Variants in SIPA1L2 observed in about 807,000 individuals in gnomAD.
SIPA1L2 encodes the protein signal induced proliferation associated 1 like 2.
SIPA1L2 carries 56 observed loss-of-function variants against 163.9 expected under a neutral mutation model. The observed-to-expected ratio is 0.34, with a 90% confidence interval of 0.28 to 0.43. The LOEUF (loss-of-function observed/expected upper bound fraction) is 0.43, where lower values mean the gene tolerates loss of function less well. SIPA1L2 is among the 20% of genes least tolerant of loss of function. The pLI, the probability that SIPA1L2 is intolerant of heterozygous loss-of-function variation, is 1.00. For synonymous variants in SIPA1L2, 877 were observed against 865.7 expected, an observed-to-expected ratio of 1.01 and a Z score of -0.23; for missense variants, 1,974 against 2,193.5, an observed-to-expected ratio of 0.90 and a Z score of 2.00.
At chr1:232,518,153 C>G (rs752670867) in intron 2 of SIPA1L2, among the ~76,000 whole-genome samples, 5 of 152,226 alleles carry the variant, frequency 3.3e-5, no homozygotes, top group Non-Finnish European at 1.5e-5. Flanking sequence ...ATAGCAAACT[C>G]AGAGCATGTG....
At chr1:232,497,398 C>A (rs900349354) in intron 3 of SIPA1L2, among the ~76,000 whole-genome samples, 2 of 152,158 alleles carry the variant, frequency 1.3e-5, no homozygotes, top group African/African-American at 2.4e-5. Context: ...TGGACCGGGG[C>A]CTTCTGCACA....
intron 2 of SIPA1L2, chr1:232,561,694 T>A (rs1390367994): frequency 6.6e-6 from 1 of 152,264 alleles, no homozygotes; most frequent in Non-Finnish European, 1.5e-5. Flanking sequence ...TACCTTTGAC[T>A]GGCAGGCTGT....
chr1:232,515,276 T>C lies in SIPA1L2; in HGVS notation c.64A>G (p.Lys22Glu). Residue 22 changes from lysine to glutamate, a missense_variant, in exon 3 of 23, where the codon AAG (lysine) becomes GAG (glutamate). Lys to Glu is a moderately conservative substitution (Grantham distance 56, BLOSUM62 1). Coordinates refer to ENST00000674635, the MANE Select transcript of SIPA1L2 (RefSeq NM_020808.5). Reference protein sequence around the residue: ...HKLGRASSKFKDPPRIMQSDD... With the variant: ...HKLGRASSKFEDPPRIMQSDD... The stretch of plus-strand genomic sequence containing the variant: ...GACTGCATGATTCTAGGGGGATCCT[T>C]GAACTTTGAAGAGGCTCTGCCTAGC... 1 of 1,613,680 alleles carries C rather than the reference T, an allele frequency of 6.2e-7. No individual in the cohort carries two copies.
intron 1 of SIPA1L2, among the ~76,000 whole-genome samples, chr1:232,614,031 C>T (rs1662382337): frequency 6.6e-6 from 1 of 152,112 alleles, no homozygotes; most frequent in Admixed American, 6.5e-5. Flanking sequence ...CCCACTCTTC[C>T]CACAAAGACA....
chr1:232,505,859 G>T (rs1666708951), intron 3 of SIPA1L2, among the ~76,000 whole-genome samples: 1 of 152,280 alleles, frequency 6.6e-6, no homozygotes, highest in Non-Finnish European at 1.5e-5. Context: ...TAGTACTATT[G>T]TTAGATGGCA....
chr1:232,502,993 G>A (rs1394694297), intron 3 of SIPA1L2, among the ~76,000 whole-genome samples: 3 of 152,132 alleles, frequency 2.0e-5, no homozygotes, highest in Admixed American at 2.0e-4. Flanking sequence ...TATCTGCATG[G>A]CAAGAGGCCC....
At chr1:232,496,880 C>G (rs1666221912) in intron 3 of SIPA1L2, among the ~76,000 whole-genome samples, 1 of 152,224 alleles carries the variant, frequency 6.6e-6, no homozygotes, top group South Asian at 2.1e-4. Context: ...AAGCTTCCTT[C>G]TTATAACACA....
chr1:232,441,896 C>G, intron 12 of SIPA1L2, 28 bp from the exon 13 acceptor site: 1 of 1,582,288 alleles, frequency 6.3e-7, no homozygotes, highest in African/African-American at 1.3e-5. Context: ...TTGAGCCTGT[C>G]CTTTCTCAAC....
intron 2 of SIPA1L2, among the ~76,000 whole-genome samples, chr1:232,553,035 G>A (rs1658488715): frequency 6.6e-6 from 1 of 152,194 alleles, no homozygotes; most frequent in Admixed American, 6.5e-5. Context: ...CCAGCTCAGT[G>A]CCCTCTTGGT....
intron 19 of SIPA1L2, among the ~76,000 whole-genome samples, chr1:232,409,408 T>G (rs543524926): frequency 6.6e-6 from 1 of 152,300 alleles, no homozygotes; most frequent in South Asian, 2.1e-4. Context: ...ACTATTACAG[T>G]GGAAAGCTGT....
At chr1:232,429,166 G>T (rs1662080220) in intron 16 of SIPA1L2, among the ~76,000 whole-genome samples, 1 of 152,202 alleles carries the variant, frequency 6.6e-6, no homozygotes, top group Non-Finnish European at 1.5e-5. Flanking sequence ...ACTGTTTTTA[G>T]CTCCTTTACA....
chr1:232,449,793 G>A (rs1368937324), intron 10 of SIPA1L2, among the ~76,000 whole-genome samples: 4 of 142,336 alleles, frequency 2.8e-5, no homozygotes, highest in Admixed American at 6.9e-5. Context: ...CGGTTCTGGG[G>A]ACAGGGTGGG....
At chr1:232,472,592 T>C (rs1184626665) in intron 7 of SIPA1L2, among the ~76,000 whole-genome samples, 3 of 152,354 alleles carry the variant, frequency 2.0e-5, no homozygotes, top group Non-Finnish European at 4.4e-5. Context: ...AGTGAAGGCA[T>C]AGATTTGTGC....
chr1:232,489,306 C>A (rs1045057875), intron 5 of SIPA1L2, among the ~76,000 whole-genome samples: 2 of 152,152 alleles, frequency 1.3e-5, no homozygotes, highest in African/African-American at 4.8e-5. Context: ...CACTTTCAAC[C>A]CACCCCGATG....
At position 232,515,394 on chromosome 1, in the gene SIPA1L2, T is replaced by G; in HGVS notation, c.-55A>C. On this transcript the variant is annotated 5_prime_UTR_variant, in exon 3 of 23. The change abolishes the stop of an existing upstream ORF in the 5' untranslated region. Transcript: ENST00000674635. ...CCAGGAAGACTGATGTAAATCTAATTACATTGCTACCGACCACGCCATAAT... is the reference window on the plus strand; with the variant it reads ...CCAGGAAGACTGATGTAAATCTAATGACATTGCTACCGACCACGCCATAAT... 2 of 1,499,174 alleles carry G rather than the reference T, an allele frequency of 1.3e-6. No homozygotes were observed. Among genetic ancestry groups the G allele is most frequent in the Non-Finnish European group, 1.8e-6 (2 of 1,122,558 alleles). 92.9% of individuals were successfully genotyped at this position (1,499,174 alleles called of 1,614,324 possible).
chr1:232,411,551 T>C (rs1384100667), intron 19 of SIPA1L2, among the ~76,000 whole-genome samples: 1 of 152,226 alleles, frequency 6.6e-6, no homozygotes, highest in Non-Finnish European at 1.5e-5. Flanking sequence ...AGGTTGTTAG[T>C]TTTATTTATA....
chr1:232,451,018 C>T (rs1420125582), intron 10 of SIPA1L2, among the ~76,000 whole-genome samples: 1 of 152,110 alleles, frequency 6.6e-6, no homozygotes, highest in Non-Finnish European at 1.5e-5. Flanking sequence ...TAGCTATTCT[C>T]AAAAGAATGG....
At chr1:232,539,520 C>T (rs1407934297) in intron 2 of SIPA1L2, among the ~76,000 whole-genome samples, 1 of 152,196 alleles carries the variant, frequency 6.6e-6, no homozygotes, top group African/African-American at 2.4e-5. Context: ...CTGCACTCCC[C>T]CGAGTAGATC....
chr1:232,517,171 G>A (rs1028767722), intron 2 of SIPA1L2, among the ~76,000 whole-genome samples: 14 of 152,084 alleles, frequency 9.2e-5, no homozygotes, highest in Non-Finnish European at 1.8e-4. Flanking sequence ...ATGCATCCAC[G>A]AAATGCAAAG....
Sources: allele counts gnomAD v4.1 joint callset (sites outside exome capture counted in the v4.1 genomes callset), GRCh38; gene constraint gnomAD v4.1.1; transcripts MANE v1.5; gene names NCBI Gene and HGNC (gene_info 2026-07-23, HGNC 2026-07-21).